RHOD: variants seen among roughly 807,000 people sequenced by gnomAD.
RHOD encodes the protein rho-related GTP-binding protein RhoD.
Under a neutral mutation model 16.7 loss-of-function variants are expected in RHOD, and 11 were observed. The ratio of observed to expected loss-of-function variants is 0.66; its 90% CI spans 0.41 to 1.09. RHOD has a LOEUF of 1.09. Ranked by LOEUF, RHOD falls within the 50% of genes least tolerant of loss-of-function variation. The pLI is 0.00. For missense variants in RHOD, 271 were observed against 291.7 expected (o/e 0.93, Z 0.52); for synonymous variants, 124 against 126.3 (o/e 0.98, Z 0.12).
chr11:67,057,619 G>C (rs1416674819), intron 1 of RHOD, among the ~76,000 whole-genome samples: 1 of 152,240 alleles, frequency 6.6e-6, no homozygotes, highest in Admixed American at 6.5e-5. Context: ...CACATGCCAT[G>C]GGCTCTGCCT....
chr11:67,062,180 G>A (rs1010773142), intron 1 of RHOD, among the ~76,000 whole-genome samples: 1 of 152,128 alleles, frequency 6.6e-6, no homozygotes, highest in Non-Finnish European at 1.5e-5. Context: ...GGCTCGTGTG[G>A]ACACTGCCCC....
At chr11:67,057,782 GGTGAA>G (rs1316080508) in intron 1 of RHOD, among the ~76,000 whole-genome samples, 1 of 152,234 alleles carries the variant, frequency 6.6e-6, no homozygotes, top group Non-Finnish European at 1.5e-5. Context: ...GTAGGGCAGT[GGTGAA>G]GTGGAGCCCA....
chr11:67,058,836 C>T (rs1854851756), intron 1 of RHOD, among the ~76,000 whole-genome samples: 1 of 152,164 alleles, frequency 6.6e-6, no homozygotes, highest in Non-Finnish European at 1.5e-5. Context: ...GGTGTCACCT[C>T]CTTTGACCAG....
rs1413617609 is a variant in RHOD at position 67,070,444 on chromosome 11, A to G, written c.350A>G (p.His117Arg). Residue 117 changes from histidine (H) to arginine (R), a missense_variant, in exon 4 of 5, where the codon CAT becomes CGT. His to Arg is a conservative substitution (Grantham distance 29). Transcript: ENST00000308831. ...IFNRWYPEVNHFCKKVPIIVV... is the reference protein window; with the variant it reads ...IFNRWYPEVNRFCKKVPIIVV... Reference sequence around the variant, plus strand: ...CTGCAGTGGTACCCAGAAGTGAATCATTTCTGCAAGAAGGTACCCATCATC... The same window carrying G: ...CTGCAGTGGTACCCAGAAGTGAATCGTTTCTGCAAGAAGGTACCCATCATC... 6.2e-7 allele frequency: 1 copy of G among 1,613,710 alleles called. No homozygotes were observed. The highest frequency in any genetic ancestry group is 8.5e-7 in the Non-Finnish European group (1 of 1,179,892).
chr11:67,065,391 G>T (rs1854946357), intron 1 of RHOD, among the ~76,000 whole-genome samples: 1 of 151,958 alleles, frequency 6.6e-6, no homozygotes, highest in Non-Finnish European at 1.5e-5. Context: ...TGTTGTTGTT[G>T]TTGTTTTGAG....
At position 67,066,852 on chromosome 11, in the gene RHOD, G is replaced by T; in HGVS notation, c.330+5G>T. 6.3e-7 allele frequency: 1 copy of T among 1,595,574 alleles called. No homozygotes were observed. The highest frequency in any genetic ancestry group is 8.6e-7 in the Non-Finnish European group (1 of 1,163,332). On this transcript the variant is annotated splice_donor_5th_base_variant and intron_variant, in intron 3 of 4. Coordinates refer to ENST00000308831, the MANE Select transcript of RHOD (RefSeq NM_014578.4). ...TTTGACAACATCTTTAACCGGGTAG[G>T]TACTGGGGGGCAGGGAGGCATAGCC...
intron 1 of RHOD, among the ~76,000 whole-genome samples, chr11:67,063,086 GAA>G (rs5792402): frequency 0.28 from 42,522 of 151,898 alleles, 7,186 homozygotes; most frequent in South Asian, 0.51. Context: ...GGACAAAGAA[GAA>G]AGGCCCAAAC....
chr11:67,064,609 G>A (rs1049026972), intron 1 of RHOD, among the ~76,000 whole-genome samples: 14 of 152,140 alleles, frequency 9.2e-5, no homozygotes, highest in African/African-American at 3.4e-4. Flanking sequence ...AGTCTTTGGT[G>A]CCTGCTTCCC....
chr11:67,071,614 C>T lies in RHOD; in HGVS notation c.*12C>T, dbSNP rs372379007. On this transcript the variant is annotated 3_prime_UTR_variant, in exon 5 of 5. Coordinates refer to ENST00000308831, the MANE Select transcript of RHOD (RefSeq NM_014578.4). The stretch of plus-strand genomic sequence containing the variant: ...GCGTGGTGACCTGAGCGGCTCGGGG[C>T]GTCCCAGCGACGCGGGAAGGGGCAG... The T allele has an allele frequency of 8.9e-6, 14 of 1,579,906 alleles. No individual in the cohort carries two copies. The African/African-American group carries it at 1.6e-4, about 18-fold the overall frequency.
At chr11:67,066,717 G>A in intron 2 of RHOD, 21 bp from the exon 3 acceptor site, 30 of 1,508,630 alleles carry the variant, frequency 2.0e-5, no homozygotes, top group Non-Finnish European at 2.8e-5. Context: ...TGAAGGCAGT[G>A]ACCACCTCCA....
At chr11:67,058,304 T>C (rs1184227490) in intron 1 of RHOD, among the ~76,000 whole-genome samples, 2 of 152,112 alleles carry the variant, frequency 1.3e-5, no homozygotes, top group African/African-American at 4.8e-5. Context: ...GCCTCCCGAG[T>C]AGCTGGGACT....
At chr11:67,063,746 C>T (rs1360832729) in intron 1 of RHOD, among the ~76,000 whole-genome samples, 2 of 146,420 alleles carry the variant, frequency 1.4e-5, no homozygotes, top group Non-Finnish European at 3.0e-5. Flanking sequence ...TTGCATTGAC[C>T]CAAGAGATCA....
chr11:67,063,060 C>T (rs1028363269), intron 1 of RHOD, among the ~76,000 whole-genome samples: 1 of 151,196 alleles, frequency 6.6e-6, no homozygotes, highest in African/African-American at 2.4e-5. Context: ...GGGTGACCTC[C>T]TCCCAAGCCC....
At chr11:67,066,012 G>GGGGCC in intron 2 of RHOD, 29 bp downstream of exon 2, 1 of 581,442 alleles carries the variant, frequency 1.7e-6, no homozygotes. Context: ...GGCAGGGTGG[G>GGGGCC]AGGGGCTTCT....
At chr11:67,066,918 C>A in intron 3 of RHOD, 71 bp downstream of exon 3, 1 of 1,014,998 alleles carries the variant, frequency 9.9e-7, no homozygotes. Context: ...CACCCTCGAC[C>A]CAGCTGACTG....
chr11:67,071,406 A>G, intron 4 of RHOD, 29 bp from the exon 5 acceptor site: 1 of 1,549,376 alleles, frequency 6.5e-7, no homozygotes, highest in Non-Finnish European at 8.7e-7. Context: ...TGCCCCCTTC[A>G]CCGCAGCCCC....
At chr11:67,059,843 G>C (rs1469217046) in intron 1 of RHOD, among the ~76,000 whole-genome samples, 1 of 152,196 alleles carries the variant, frequency 6.6e-6, no homozygotes, top group South Asian at 2.1e-4. Flanking sequence ...AAGCCCAAGG[G>C]GCCAGCAGCC....
rs2136250837 is a variant in RHOD at position 67,071,799 on chromosome 11, G to C, written c.*197G>C. The C allele has an allele frequency of 1.8e-6, 1 of 544,768 alleles. No individual in the cohort carries two copies. The highest frequency in any genetic ancestry group is 2.0e-5 in the African/African-American group (1 of 49,684). 33.7% of individuals were successfully genotyped at this position (544,768 alleles called of 1,614,324 possible). A position where few individuals can be genotyped will look rare whatever the true frequency, so the allele number is the denominator to read the frequency against. On this transcript the variant is annotated 3_prime_UTR_variant, in exon 5 of 5. Coordinates refer to ENST00000308831, the MANE Select transcript of RHOD (RefSeq NM_014578.4). ...CCTGGGCCCACCTGCTCTGTGTAGG[G>C]CTCGTCCTGCGGTGCCCGAGAATCA...
intron 1 of RHOD, among the ~76,000 whole-genome samples, chr11:67,061,633 A>C (rs1339306708): frequency 1.9e-5 from 1 of 52,374 alleles, no homozygotes; most frequent in African/African-American, 7.6e-5. Context: ...ACTCTGTCTC[A>C]AAAAAAAAAA....
Sources: allele counts gnomAD v4.1 joint callset (sites outside exome capture counted in the v4.1 genomes callset), GRCh38; gene constraint gnomAD v4.1.1; transcripts MANE v1.5; gene names NCBI Gene and HGNC (gene_info 2026-07-23, HGNC 2026-07-21).